FXN: variants seen among roughly 807,000 people sequenced by gnomAD.
FXN encodes frataxin, also known as frataxin, mitochondrial.
A neutral mutation model predicts 22.4 loss-of-function variants in FXN; 14 were observed. The observed-to-expected ratio is 0.62, with a 90% CI of 0.41 to 0.98. FXN has a LOEUF of 0.98. Among genes scored for constraint, FXN ranks in the 50% least tolerant of loss-of-function variants. The pLI is 0.00. For missense variants in FXN, 267 were observed against 268.4 expected (o/e 0.99, Z 0.04); for synonymous variants, 120 against 114.1 (o/e 1.05, Z -0.33).
At chr9:69,036,951 G>A (rs1191249189) in intron 1 of FXN, among the ~76,000 whole-genome samples, 1 of 152,138 alleles carries the variant, frequency 6.6e-6, no homozygotes, top group Non-Finnish European at 1.5e-5. Flanking sequence ...CTTCAGAGTG[G>A]CTGGTACGCC....
intron 3 of FXN, among the ~76,000 whole-genome samples, chr9:69,063,351 A>C (rs1000026936): frequency 1.3e-5 from 2 of 152,166 alleles, no homozygotes; most frequent in African/African-American, 4.8e-5. Flanking sequence ...CCAATTACTG[A>C]GTACTCTTTA....
intron 1 of FXN, among the ~76,000 whole-genome samples, chr9:69,038,723 C>T (rs1831605135): frequency 6.6e-6 from 1 of 151,782 alleles, no homozygotes; most frequent in Non-Finnish European, 1.5e-5. Flanking sequence ...GAGGCTGAGG[C>T]ATGAGAATCA....
chr9:69,072,865 T>G lies in FXN; in HGVS notation c.*103T>G. 6.3e-7 allele frequency: 1 copy of G among 1,593,130 alleles called. No homozygotes were observed. Among genetic ancestry groups the G allele is most frequent in the Non-Finnish European group, 8.5e-7 (1 of 1,173,798 alleles). On this transcript the variant is annotated 3_prime_UTR_variant, in exon 5 of 5. Transcript: ENST00000484259. ...TTGTTGTTGTTGTTGTTTATTTTTT[T>G]TATTCCTGCTTTTGAGGACAGTTGG...
In FXN at chr9:69,078,257, GT is replaced by G; in HGVS notation, c.*5497del. 2.0e-6 allele frequency: 2 copies of G among 985,400 alleles called. No homozygotes were observed. The highest frequency in any genetic ancestry group is 1.2e-6 in the Non-Finnish European group (1 of 829,916). 61.0% of individuals were successfully genotyped at this position (985,400 alleles called of 1,614,324 possible). ...TGTGAAGTGAATGGTGCCACTGACA[GT>G]TATGCAAACCGTCCAGAGCATAGCC... is the stretch of plus-strand genomic sequence containing the variant. On this transcript the variant is annotated 3_prime_UTR_variant, in exon 5 of 5. Transcript: ENST00000484259.
intron 4 of FXN, among the ~76,000 whole-genome samples, chr9:69,069,101 C>T (rs764946585): frequency 6.6e-6 from 1 of 152,190 alleles, no homozygotes; most frequent in African/African-American, 2.4e-5. Flanking sequence ...CAGTGGCTCA[C>T]GCCTGTAATC....
At chr9:69,062,427 TTAAA>T (rs1469314142) in intron 3 of FXN, among the ~76,000 whole-genome samples, 2 of 152,158 alleles carry the variant, frequency 1.3e-5, no homozygotes, top group Non-Finnish European at 2.9e-5. Flanking sequence ...TAAGAAACTT[TTAAA>T]TAAATGAAAT....
chr9:69,046,134 A>G (rs963480705), intron 1 of FXN, among the ~76,000 whole-genome samples: 1 of 152,196 alleles, frequency 6.6e-6, no homozygotes, highest in African/African-American at 2.4e-5. Context: ...AAGGGAATGT[A>G]TGGTGAAGGG....
At chr9:69,053,678 A>C (rs1035942901) in intron 3 of FXN, among the ~76,000 whole-genome samples, 4 of 152,162 alleles carry the variant, frequency 2.6e-5, no homozygotes, top group Non-Finnish European at 5.9e-5. Context: ...CATGAAGGCA[A>C]ATCAGAGAGG....
At chr9:69,060,748 G>C (rs1049987062) in intron 3 of FXN, among the ~76,000 whole-genome samples, 1 of 152,212 alleles carries the variant, frequency 6.6e-6, no homozygotes, top group Non-Finnish European at 1.5e-5. Context: ...GCCCTAAGTT[G>C]GGCAGATGGT....
intron 1 of FXN, among the ~76,000 whole-genome samples, chr9:69,038,237 G>T (rs189961904): frequency 2.3e-4 from 35 of 152,226 alleles, no homozygotes; most frequent in African/African-American, 7.7e-4. Context: ...GGCAACTGGG[G>T]CCACCATCCT....
intron 2 of FXN, 79 bp from the exon 3 acceptor site, chr9:69,053,061 A>G (rs1173938319): frequency 7.1e-7 from 1 of 1,404,094 alleles, no homozygotes; most frequent in Non-Finnish European, 9.7e-7. Flanking sequence ...ATGAATTTAA[A>G]TAACAAATGT....
chr9:69,075,988 T>C lies in FXN; in HGVS notation c.*3226T>C. The C allele has an allele frequency of 1.0e-6, 1 of 980,496 alleles. No homozygotes were observed. Among genetic ancestry groups the C allele is most frequent in the Non-Finnish European group, 1.2e-6 (1 of 825,560 alleles). The allele number at this position is 980,496 out of a possible 1,614,324, so 60.7% of individuals were successfully genotyped here. ...CCAAGATGCTGGGATTACAGGTGTG[T>C]GCCACAGGTGTTCATCAGAAAGCTT... is the stretch of plus-strand genomic sequence containing the variant. On this transcript the variant is annotated 3_prime_UTR_variant, in exon 5 of 5. Coordinates refer to ENST00000484259, the MANE Select transcript of FXN (RefSeq NM_000144.5).
intron 1 of FXN, 126 bp downstream of exon 1, chr9:69,036,073 C>G (rs1831546592): frequency 1.2e-6 from 1 of 853,316 alleles, no homozygotes; most frequent in African/African-American, 1.8e-5. Context: ...GCTCACCCCG[C>G]TCCTTCTCAG....
chr9:69,057,421 C>T (rs1226458528), intron 3 of FXN, among the ~76,000 whole-genome samples: 1 of 152,178 alleles, frequency 6.6e-6, no homozygotes, highest in African/African-American at 2.4e-5. Context: ...TTCTGTAACC[C>T]ATTCTTTCAA....
Position 69,076,406 on chromosome 9 carries a change from T to C in FXN, c.*3644T>C, listed in dbSNP as rs1832370647. On this transcript the variant is annotated 3_prime_UTR_variant, in exon 5 of 5. Transcript: ENST00000484259. ...ATGGATGACGTTCCCTACTCAACCT[T>C]GAACTTAATCAAAATACTCAGTTTA... 1.0e-6 allele frequency: 1 copy of C among 985,432 alleles called. No individual in the cohort carries two copies. Among genetic ancestry groups the C allele is most frequent in the Non-Finnish European group, 1.2e-6 (1 of 829,910 alleles). The allele number at this position is 985,432 out of a possible 1,614,324, so 61.0% of individuals were successfully genotyped here. A position where few individuals can be genotyped will look rare whatever the true frequency, so the allele number is the denominator to read the frequency against.
chr9:69,042,803 C>CCA (rs1831681391), intron 1 of FXN, among the ~76,000 whole-genome samples: 1 of 152,166 alleles, frequency 6.6e-6, no homozygotes, highest in Non-Finnish European at 1.5e-5. Context: ...GAGGTGAGCC[C>CCA]CACATTCTCA....
intron 1 of FXN, among the ~76,000 whole-genome samples, chr9:69,045,838 G>A (rs1831742525): frequency 6.7e-6 from 1 of 149,744 alleles, no homozygotes; most frequent in Non-Finnish European, 1.5e-5. Context: ...AAGTGTGCAA[G>A]GGCAAGTGGG....
intron 4 of FXN, among the ~76,000 whole-genome samples, chr9:69,065,348 C>G (rs1832150581): frequency 6.6e-6 from 1 of 152,156 alleles, no homozygotes; most frequent in South Asian, 2.1e-4. Context: ...TGAGACCAGC[C>G]TGGGCAATGT....
intron 1 of FXN, among the ~76,000 whole-genome samples, chr9:69,043,256 T>G (rs1587816417): frequency 6.6e-6 from 1 of 152,340 alleles, no homozygotes; most frequent in Non-Finnish European, 1.5e-5. Flanking sequence ...TTTCAGATTT[T>G]TATGCTTTTT....
Sources: allele counts gnomAD v4.1 joint callset (sites outside exome capture counted in the v4.1 genomes callset), GRCh38; gene constraint gnomAD v4.1.1; transcripts MANE v1.5; gene names NCBI Gene and HGNC (gene_info 2026-07-23, HGNC 2026-07-21).